Variants in COL4A2 observed in about 807,000 individuals in gnomAD.
The protein encoded by COL4A2 is collagen alpha-2(IV) chain.
A neutral mutation model predicts 200.2 loss-of-function variants in COL4A2; 99 were observed. The ratio of observed to expected loss-of-function variants is 0.49; its 90% CI spans 0.42 to 0.58. The LOEUF is 0.58. COL4A2 is among the 20% of genes least tolerant of loss of function. The pLI, the probability that COL4A2 is intolerant of heterozygous loss-of-function variation, is 0.00. For synonymous variants in COL4A2, 897 were observed against 900.6 expected, an observed-to-expected ratio of 1.00 and a Z score of 0.07; for missense variants, 1,950 against 2,314.1, an observed-to-expected ratio of 0.84 and a Z score of 3.23.
At chr13:110,386,475 G>C (rs892426084) in intron 4 of COL4A2, among the ~76,000 whole-genome samples, 1 of 152,054 alleles carries the variant, frequency 6.6e-6, no homozygotes, top group African/African-American at 2.4e-5. Context: ...CATGCAATTG[G>C]GTGTATCCCT....
intron 4 of COL4A2, among the ~76,000 whole-genome samples, chr13:110,363,157 G>T (rs1009684008): frequency 2.0e-5 from 3 of 152,186 alleles, no homozygotes; most frequent in Non-Finnish European, 1.5e-5. Context: ...GCCCCTGAAC[G>T]AGTGAGTGGA....
intron 3 of COL4A2, among the ~76,000 whole-genome samples, chr13:110,315,316 C>T (rs940358429): frequency 2.0e-5 from 3 of 152,228 alleles, no homozygotes; most frequent in Non-Finnish European, 4.4e-5. Flanking sequence ...TCTTTAGGAT[C>T]GAGGATTATA....
At chr13:110,350,185 G>GA (rs902368826) in intron 3 of COL4A2, among the ~76,000 whole-genome samples, 1 of 152,126 alleles carries the variant, frequency 6.6e-6, no homozygotes, top group African/African-American at 2.4e-5. Context: ...TCTGCACCTG[G>GA]AAAAAATGTC....
In COL4A2 at chr13:110,405,418, G is replaced by A. The variant is rs555255315; in HGVS notation, c.181-19316G>A. On this transcript the variant is annotated intron_variant, in intron 4 of 47. Transcript: ENST00000360467. The stretch of plus-strand genomic sequence containing the variant: ...CAGGAAAGGCCCACTAGTGGGTCCC[G>A]GTGTGGGACCCACCCCCGGCCCCCA... 2.9e-3 allele frequency among the ~76,000 whole-genome samples: 441 copies of A among 152,210 alleles called. 2 individuals carry two copies. Among genetic ancestry groups the A allele is most frequent in the Middle Eastern group, 6.8e-3 (2 of 294 alleles).
intron 3 of COL4A2, among the ~76,000 whole-genome samples, chr13:110,324,809 TC>T (rs1885364564): frequency 6.6e-6 from 1 of 152,204 alleles, no homozygotes; most frequent in Non-Finnish European, 1.5e-5. Flanking sequence ...CCCTGGAATC[TC>T]CCGCCAATCT....
chr13:110,467,052 G>C lies in COL4A2; in HGVS notation c.2051G>C (p.Gly684Ala), dbSNP rs201214647. Residue 684 changes from glycine to alanine, a missense_variant, in exon 27 of 48, where the codon GGG becomes GCG. Transcript: ENST00000360467. Reference protein sequence around the residue: ...QEAIQPGCIGGPKGLPGLPGP... With the variant: ...QEAIQPGCIGAPKGLPGLPGP... ...TTTCTGTCCCCAGGTTGCATAGGAG[G>C]GCCCAAGGGATTGCCAGGCCTGCCA... 85 of 1,614,002 alleles carry C rather than the reference G, an allele frequency of 5.3e-5. 1 individual carries two copies. The East Asian group carries it at 1.9e-3, about 36-fold the overall frequency.
At chr13:110,473,744 A>G (rs953604418) in intron 29 of COL4A2, 3 of 152,222 alleles carry the variant, frequency 2.0e-5, no homozygotes, top group Non-Finnish European at 4.4e-5. Flanking sequence ...TTAATGAAAG[A>G]TGATGCCATG....
intron 18 of COL4A2, among the ~76,000 whole-genome samples, chr13:110,447,352 A>T (rs1167250240): frequency 6.6e-6 from 1 of 152,200 alleles, no homozygotes; most frequent in Non-Finnish European, 1.5e-5. Context: ...CAAGGCAACT[A>T]AATTCCCAGA....
intron 3 of COL4A2, among the ~76,000 whole-genome samples, chr13:110,339,894 G>A (rs1010810461): frequency 2.6e-5 from 4 of 152,224 alleles, no homozygotes; most frequent in Non-Finnish European, 5.9e-5. Flanking sequence ...CCATGAAGCT[G>A]TATAAACTCA....
Position 110,449,806 on chromosome 13 carries a change from A to C in COL4A2, c.1189+17A>C. 8 of 1,545,368 alleles carry C rather than the reference A, an allele frequency of 5.2e-6. No individual in the cohort carries two copies. Among genetic ancestry groups the C allele is most frequent in the Non-Finnish European group, 7.0e-6 (8 of 1,145,886 alleles). ...GAGATGGAGGTAATGTGGCTTCATA[A>C]TATCAACACCGGAGACCCAAAGCAC... On this transcript the variant is annotated intron_variant, in intron 19 of 47. Transcript: ENST00000360467.
chr13:110,316,659 T>C (rs772403329), intron 3 of COL4A2, among the ~76,000 whole-genome samples: 4 of 152,178 alleles, frequency 2.6e-5, no homozygotes, highest in Non-Finnish European at 4.4e-5. Context: ...AAATCCTGTT[T>C]GCTGAGCCAC....
intron 4 of COL4A2, among the ~76,000 whole-genome samples, chr13:110,401,004 C>G (rs1471437634): frequency 6.6e-6 from 1 of 152,204 alleles, no homozygotes; most frequent in Non-Finnish European, 1.5e-5. Context: ...TTCCTAAGAC[C>G]TTGAGAACAC....
rs911589159 is a variant in COL4A2 at position 110,493,391 on chromosome 13, G to A, written c.3634+109G>A. On this transcript the variant is annotated intron_variant, in intron 39 of 47. Transcript: ENST00000360467. ...AGGGAATGGAGGGTCTCAGAGAGCAGGGTGGGCTTCCTGAAGTGCTATGCG... is the reference window on the plus strand; with the variant it reads ...AGGGAATGGAGGGTCTCAGAGAGCAAGGTGGGCTTCCTGAAGTGCTATGCG... 22 of 1,219,834 alleles carry A rather than the reference G, an allele frequency of 1.8e-5. No individual in the cohort carries two copies. The African/African-American group carries it at 2.9e-4, about 16-fold the overall frequency. 75.6% of individuals were successfully genotyped at this position (1,219,834 alleles called of 1,614,324 possible).
intron 3 of COL4A2, among the ~76,000 whole-genome samples, chr13:110,329,824 G>A (rs951542028): frequency 6.6e-6 from 1 of 152,148 alleles, no homozygotes; most frequent in African/African-American, 2.4e-5. Context: ...TGACCACCAC[G>A]GCACTGGCAG....
Position 110,470,755 on chromosome 13 carries a change from C to T in COL4A2, c.2203+1431C>T, listed in dbSNP as rs138347948. ...CAGTGAAGACTAATTGAACCCTGCC[C>T]CTCCCCTGACCTCCACTCAGATAGC... On this transcript the variant is annotated intron_variant, in intron 28 of 47. Coordinates refer to ENST00000360467, the MANE Select transcript of COL4A2 (RefSeq NM_001846.4). Among the ~76,000 whole-genome samples the T allele has an allele frequency of 4.6e-5, 7 of 152,292 alleles. No homozygotes were observed. The East Asian group carries it at 1.2e-3, about 25-fold the overall frequency.
chr13:110,451,397 C>T (rs1222357404), intron 20 of COL4A2, among the ~76,000 whole-genome samples: 2 of 152,156 alleles, frequency 1.3e-5, no homozygotes, highest in South Asian at 2.1e-4. Context: ...TTCGTTCTCA[C>T]GCTGCTATAA....
Position 110,493,182 on chromosome 13 carries a change from A to C in COL4A2, c.3563-29A>C, listed in dbSNP as rs781168437. 3.7e-6 allele frequency: 6 copies of C among 1,612,102 alleles called. No individual in the cohort carries two copies. In the East Asian group the frequency reaches 1.3e-4, roughly 36 times the overall value. On this transcript the variant is annotated intron_variant, in intron 38 of 47. Transcript: ENST00000360467. The stretch of plus-strand genomic sequence containing the variant: ...GATGAGTGACACCCCCGCAGGTGAA[A>C]TAAATAACGATGAGTGACACCCCCG...
chr13:110,451,712 A>G (rs1188532581), intron 20 of COL4A2, among the ~76,000 whole-genome samples: 2 of 152,254 alleles, frequency 1.3e-5, no homozygotes, highest in Non-Finnish European at 2.9e-5. Flanking sequence ...TATGGGAACT[A>G]CAACTCAAGA....
intron 4 of COL4A2, among the ~76,000 whole-genome samples, chr13:110,365,203 G>A (rs1017259950): frequency 6.6e-5 from 10 of 151,840 alleles, no homozygotes; most frequent in African/African-American, 1.7e-4. Context: ...CCGCAGTGGC[G>A]CCACCTCGGG....
Sources: allele counts gnomAD v4.1 joint callset (sites outside exome capture counted in the v4.1 genomes callset), GRCh38; gene constraint gnomAD v4.1.1; transcripts MANE v1.5; gene names NCBI Gene and HGNC (gene_info 2026-07-23, HGNC 2026-07-21).